POM121C: variants seen among roughly 807,000 people sequenced by gnomAD.
POM121C encodes nuclear envelope pore membrane protein POM 121C.
POM121C carries 20 observed loss-of-function variants against 66.4 expected under a neutral mutation model. That is an observed-to-expected ratio of 0.30 (90% CI 0.21 to 0.44). The LOEUF (loss-of-function observed/expected upper bound fraction) is 0.44. Ranked by LOEUF, POM121C falls within the 20% of genes least tolerant of loss-of-function variation. The pLI is 1.00. For missense variants in POM121C, 580 were observed against 1,225.7 expected (o/e 0.47, Z 7.87); for synonymous variants, 286 against 528.0 (o/e 0.54, Z 6.28).
chr7:75,443,217 T>C (rs1251723921), intron 3 of POM121C, among the ~76,000 whole-genome samples: 2 of 152,190 alleles, frequency 1.3e-5, no homozygotes, highest in East Asian at 3.8e-4. Context: ...ATTTTGAGGC[T>C]CTGTGATCGA....
chr7:75,463,989 G>A (rs1226904835), intron 3 of POM121C, among the ~76,000 whole-genome samples: 1 of 146,612 alleles, frequency 6.8e-6, no homozygotes, highest in Non-Finnish European at 1.5e-5. Flanking sequence ...CACCACGCCT[G>A]GACTCTTTTT....
At chr7:75,442,301 G>C in intron 3 of POM121C, 1 of 1,442,714 alleles carries the variant, frequency 6.9e-7, no homozygotes, top group Non-Finnish European at 9.0e-7. Flanking sequence ...CTGGCCCTCC[G>C]GAGCGGGGGC....
At chr7:75,427,655 G>A (rs1305716501) in intron 7 of POM121C, among the ~76,000 whole-genome samples, 10 of 151,862 alleles carry the variant, frequency 6.6e-5, no homozygotes, top group African/African-American at 2.4e-4. Flanking sequence ...AAATAGTCTC[G>A]TAAGTGCTGA....
intron 3 of POM121C, among the ~76,000 whole-genome samples, chr7:75,465,968 A>G (rs1791630905): frequency 6.6e-6 from 1 of 150,716 alleles, no homozygotes; most frequent in African/African-American, 2.4e-5. Context: ...AAACATATAA[A>G]AACCTGTCAG....
At chr7:75,435,033 T>G (rs1311105868) in intron 7 of POM121C, among the ~76,000 whole-genome samples, 2 of 152,104 alleles carry the variant, frequency 1.3e-5, no homozygotes, top group Non-Finnish European at 2.9e-5. Flanking sequence ...CCCAGCAAAA[T>G]CACATGCGCA....
intron 1 of POM121C, among the ~76,000 whole-genome samples, chr7:75,477,583 G>A (rs1210740190): frequency 1.3e-5 from 2 of 151,970 alleles, no homozygotes; most frequent in African/African-American, 4.8e-5. Context: ...GTTCATATGA[G>A]GTGGAAGAAA....
At chr7:75,442,680 G>C in intron 3 of POM121C, 19 of 1,428,414 alleles carry the variant, frequency 1.3e-5, no homozygotes, top group Non-Finnish European at 1.5e-5. Flanking sequence ...ATCGGCCGCC[G>C]CCGCTCGCCT....
At chr7:75,432,948 C>T (rs1584661949) in intron 7 of POM121C, among the ~76,000 whole-genome samples, 1 of 152,158 alleles carries the variant, frequency 6.6e-6, no homozygotes, top group East Asian at 1.9e-4. Flanking sequence ...TAAGAATGTA[C>T]AGTAGACTGG....
At chr7:75,445,119 AAG>A (rs1342691086) in intron 3 of POM121C, among the ~76,000 whole-genome samples, 1 of 150,380 alleles carries the variant, frequency 6.6e-6, no homozygotes, top group East Asian at 1.9e-4. Flanking sequence ...CAATAACAAA[AAG>A]ATGACCCAAT....
intron 10 of POM121C, 25 bp downstream of exon 10, chr7:75,425,049 C>G: frequency 6.8e-7 from 1 of 1,472,374 alleles, no homozygotes; most frequent in Admixed American, 2.6e-5. Flanking sequence ...CCGGGGAGGG[C>G]AGGAGTAGAT....
At position 75,441,513 on chromosome 7, in the gene POM121C, G is replaced by C. The variant is rs373007139; in HGVS notation, c.-17C>G. On this transcript the variant is annotated 5_prime_UTR_variant, in exon 4 of 15. Transcript: ENST00000615331. ...ACACACCATCCTGGAGTTGCGAGGG[G>C]ACAGCACAGCCTTCTTGTGATAACC... The C allele has an allele frequency of 6.2e-7, 1 of 1,613,764 alleles. No individual in the cohort carries two copies. The highest frequency in any genetic ancestry group is 1.3e-5 in the African/African-American group (1 of 74,906).
chr7:75,477,707 T>C (rs1225895671), intron 1 of POM121C, among the ~76,000 whole-genome samples: 42 of 151,670 alleles, frequency 2.8e-4, no homozygotes, highest in African/African-American at 7.5e-4. Flanking sequence ...GGCAGAAGGA[T>C]TGCTTGAGGC....
intron 4 of POM121C, 38 bp downstream of exon 4, chr7:75,441,394 A>G (rs1206186261): frequency 6.2e-7 from 1 of 1,603,352 alleles, no homozygotes; most frequent in Non-Finnish European, 8.5e-7. Context: ...TAAAGTGGAC[A>G]CGAAAAGGGA....
chr7:75,469,296 C>T (rs1490727729), intron 3 of POM121C, among the ~76,000 whole-genome samples: 5 of 152,082 alleles, frequency 3.3e-5, no homozygotes, highest in Admixed American at 1.3e-4. Context: ...CAGGGTCTTG[C>T]TATGTTTCCC....
intron 1 of POM121C, 42 bp downstream of exon 1, chr7:75,485,821 AC>A: frequency 4.1e-6 from 2 of 490,518 alleles, no homozygotes; most frequent in African/African-American, 1.9e-5. Flanking sequence ...AGGTGACTTC[AC>A]CCAGGCCCTT....
At chr7:75,446,834 G>A (rs1237997275) in intron 3 of POM121C, among the ~76,000 whole-genome samples, 1 of 149,992 alleles carries the variant, frequency 6.7e-6, no homozygotes, top group Non-Finnish European at 1.5e-5. Flanking sequence ...ACGGTGAAAC[G>A]CCATCTCTAT....
chr7:75,455,954 G>T (rs1791198950), intron 3 of POM121C, among the ~76,000 whole-genome samples: 1 of 152,174 alleles, frequency 6.6e-6, no homozygotes, highest in African/African-American at 2.4e-5. Context: ...CTTCATCCAG[G>T]CCAGGCGCAG....
intron 1 of POM121C, among the ~76,000 whole-genome samples, chr7:75,479,615 C>CTAAATAAATAAATAAA (rs58439125): frequency 7.4e-6 from 1 of 134,522 alleles, no homozygotes; most frequent in South Asian, 2.3e-4. Context: ...GACTCTGTCT[C>CTAAATAAATAAATAAA]TAAATAAATA....
At chr7:75,464,647 AG>A (rs1554477489) in intron 3 of POM121C, among the ~76,000 whole-genome samples, 1 of 150,552 alleles carries the variant, frequency 6.6e-6, no homozygotes, top group Non-Finnish European at 1.5e-5. Context: ...AAAAAAAGAA[AG>A]GAAAAAAATA....
Sources: allele counts gnomAD v4.1 joint callset (sites outside exome capture counted in the v4.1 genomes callset), GRCh38; gene constraint gnomAD v4.1.1; transcripts MANE v1.5; gene names NCBI Gene and HGNC (gene_info 2026-07-23, HGNC 2026-07-21).